The following ENKUR variants were observed in gnomAD, a reference collection of about 807,000 sequenced individuals.
ENKUR encodes enkurin, TRPC channel interacting protein, also known as enkurin.
In ENKUR, 19 loss-of-function variants were observed where a neutral mutation model predicts 27.6. That is an observed-to-expected ratio of 0.69 (90% CI 0.48 to 1.01). The LOEUF (loss-of-function observed/expected upper bound fraction) is 1.01, where lower values mean the gene tolerates loss of function less well. Among genes scored for constraint, ENKUR ranks in the 50% least tolerant of loss-of-function variants. The pLI, the probability that ENKUR is intolerant of heterozygous loss-of-function variation, is 0.00. For synonymous variants in ENKUR, 117 were observed against 96.9 expected, an observed-to-expected ratio of 1.21 and a Z score of -1.22; for missense variants, 312 against 310.5, an observed-to-expected ratio of 1.00 and a Z score of -0.04.
At chr10:24,986,943 T>C (rs1448529272) in intron 4 of ENKUR, among the ~76,000 whole-genome samples, 1 of 152,150 alleles carries the variant, frequency 6.6e-6, no homozygotes, top group African/African-American at 2.4e-5. Context: ...TTGGAAAAAA[T>C]TCAGACAGGG....
intron 2 of ENKUR, among the ~76,000 whole-genome samples, chr10:25,049,082 A>G (rs1348737018): frequency 6.6e-6 from 1 of 152,180 alleles, no homozygotes; most frequent in Non-Finnish European, 1.5e-5. Flanking sequence ...CTGAGTGACC[A>G]GGGCAGCATG....
chr10:25,019,354 G>C (rs1199451742), upstream of ENKUR, among the ~76,000 whole-genome samples: 1 of 152,110 alleles, frequency 6.6e-6, no homozygotes. Flanking sequence ...CGTGCCTTTA[G>C]TCCCAGCTAC....
intron 2 of ENKUR, among the ~76,000 whole-genome samples, chr10:25,027,325 C>A (rs1850871209): frequency 7.4e-6 from 1 of 134,600 alleles, no homozygotes; most frequent in Non-Finnish European, 1.5e-5. Context: ...CACTGCCACT[C>A]CAGCCTGGGT....
In ENKUR at chr10:25,024,716, T is replaced by C. The variant is rs141871066; in HGVS notation, c.38-28847A>G. On this transcript the variant is annotated intron_variant, in intron 2 of 5. Transcript: ENST00000615958. ...CTTGTTAGTCAAGGATTTATTTCTT[T>C]TGGAAGCCCAGTCGATGTCTGTATT... 2.0e-4 allele frequency: 329 copies of C among 1,614,202 alleles called. 3 individuals carry two copies. The African/African-American group carries it at 4.0e-3, about 20-fold the overall frequency.
chr10:25,044,003 A>G (rs903601498), intron 2 of ENKUR, among the ~76,000 whole-genome samples: 2 of 149,912 alleles, frequency 1.3e-5, no homozygotes, highest in Non-Finnish European at 2.9e-5. Flanking sequence ...ATTTAAAAAC[A>G]TATTTATTAG....
intron 2 of ENKUR, among the ~76,000 whole-genome samples, chr10:25,058,785 G>T (rs1851291291): frequency 6.6e-6 from 1 of 152,068 alleles, no homozygotes; most frequent in Non-Finnish European, 1.5e-5. Flanking sequence ...ACAAAAATTA[G>T]CCAGGTGTAG....
intron 2 of ENKUR, chr10:25,023,771 A>C: frequency 6.2e-7 from 1 of 1,614,064 alleles, no homozygotes; most frequent in Non-Finnish European, 8.5e-7. Context: ...ACATCTATGA[A>C]AGACTTACTT....
chr10:25,024,876 A>G, intron 2 of ENKUR: 1 of 1,614,042 alleles, frequency 6.2e-7, no homozygotes, highest in Admixed American at 1.7e-5. Flanking sequence ...ATTATGATCT[A>G]AGGGAAAGAA....
chr10:25,002,524 T>G (rs1208369791), intron 1 of ENKUR, among the ~76,000 whole-genome samples: 13 of 152,212 alleles, frequency 8.5e-5, no homozygotes, highest in Non-Finnish European at 8.8e-5. Context: ...TTTGTTTCTC[T>G]TCTTTTATAG....
chr10:24,991,343 G>T (rs942270676), intron 3 of ENKUR, among the ~76,000 whole-genome samples: 1 of 151,674 alleles, frequency 6.6e-6, no homozygotes, highest in Non-Finnish European at 1.5e-5. Context: ...CTTTTTCGTG[G>T]TCTCGTTAAA....
chr10:24,990,518 A>G lies in ENKUR; in HGVS notation c.539T>C (p.Leu180Pro), dbSNP rs1301657023. The change falls in exon 4 of 6, where the codon CTT becomes CCT. Residue 180 changes from leucine (L) to proline (P), a missense_variant. Transcript: ENST00000331161. ...EDYDRYIQEN[L>P]KKAAMKRLSD... ...GAGCCTTTTCATAGCTGCTTTCTTA[A>G]GGTTTTCCTGGATATAACGATCATA... 6.2e-7 allele frequency: 1 copy of G among 1,613,928 alleles called. No homozygotes were observed. Among genetic ancestry groups the G allele is most frequent in the Non-Finnish European group, 8.5e-7 (1 of 1,179,992 alleles).
At position 25,011,929 on chromosome 10, in the gene ENKUR, A is replaced by T. The variant is rs180811093; in HGVS notation, c.77+3931T>A. 9.3e-4 allele frequency among the ~76,000 whole-genome samples: 141 copies of T among 152,358 alleles called. 1 individual carries two copies. The highest frequency in any genetic ancestry group is 9.1e-3 in the Admixed American group (140 of 15,306). On this transcript the variant is annotated intron_variant, in intron 1 of 5. Transcript: ENST00000331161. ...AGAGCCTGTCAGAGGTCTCCACAGC[A>T]GCCCCTCCCATCACAGGCCCAGAGA...
chr10:25,062,007 C>T (rs543166966), intron 1 of ENKUR, among the ~76,000 whole-genome samples: 9 of 152,266 alleles, frequency 5.9e-5, no homozygotes, highest in African/African-American at 1.2e-4. Context: ...AGAGAAATAA[C>T]GTAACGATAA....
At chr10:25,048,168 C>T (rs1267509223) in intron 2 of ENKUR, among the ~76,000 whole-genome samples, 1 of 152,022 alleles carries the variant, frequency 6.6e-6, no homozygotes, top group East Asian at 1.9e-4. Context: ...CACAAAACCG[C>T]AGGTCATGGG....
intron 1 of ENKUR, among the ~76,000 whole-genome samples, chr10:25,010,929 G>T (rs1850429452): frequency 6.6e-6 from 1 of 151,806 alleles, no homozygotes; most frequent in Non-Finnish European, 1.5e-5. Flanking sequence ...CTTTATAGCA[G>T]CATGATTTAT....
chr10:25,048,072 T>C (rs533360396), intron 2 of ENKUR, among the ~76,000 whole-genome samples: 2 of 152,272 alleles, frequency 1.3e-5, no homozygotes, highest in South Asian at 2.1e-4. Context: ...TGGATCATAC[T>C]GTTATCAAAA....
chr10:24,998,377 CTCTCTT>C (rs542487474), intron 2 of ENKUR, among the ~76,000 whole-genome samples: 3,819 of 135,298 alleles, frequency 0.028, 116 homozygotes, highest in African/African-American at 0.075. Flanking sequence ...CTCTCTCTCT[CTCTCTT>C]TCTTTTTTTG....
upstream of ENKUR, among the ~76,000 whole-genome samples, chr10:25,019,267 A>C (rs908866668): frequency 3.3e-5 from 5 of 152,324 alleles, no homozygotes; most frequent in Middle Eastern, 3.4e-3. Context: ...TGAGCCCAGG[A>C]GTTGGAGACC....
chr10:25,033,048 G>A (rs1169164044), intron 2 of ENKUR, among the ~76,000 whole-genome samples: 1 of 152,118 alleles, frequency 6.6e-6, no homozygotes, highest in Non-Finnish European at 1.5e-5. Flanking sequence ...TAGTGATACT[G>A]ACGTCAACTA....
Sources: gnomAD v4.1 joint callset for allele counts (sites outside exome capture counted in the v4.1 genomes callset) on GRCh38, gnomAD v4.1.1 for gene constraint, MANE v1.5 for transcripts, NCBI Gene and HGNC (gene_info 2026-07-23, HGNC 2026-07-21) for gene names.